The following TMEFF2 variants were observed in gnomAD, a reference collection of about 807,000 sequenced individuals.
The protein encoded by TMEFF2 is transmembrane protein with EGF like and two follistatin like domains 2, also known as tomoregulin-2.
TMEFF2 carries 28 observed loss-of-function variants against 53.8 expected under a neutral mutation model. The observed-to-expected ratio is 0.52, with a 90% confidence interval of 0.39 to 0.71. The LOEUF is 0.71. TMEFF2 is among the 30% of genes least tolerant of loss of function. The pLI, the probability that TMEFF2 is intolerant of heterozygous loss-of-function variation, is 0.00. For missense variants in TMEFF2, 353 were observed against 455.2 expected (o/e 0.78, Z 2.04); for synonymous variants, 162 against 166.3 (o/e 0.97, Z 0.20).
intron 2 of TMEFF2, 63 bp from the exon 3 acceptor site, chr2:192,184,546 G>A: frequency 6.3e-7 from 1 of 1,578,838 alleles, no homozygotes; most frequent in South Asian, 1.1e-5. Flanking sequence ...CTGACACGAT[G>A]AACAGAAATA....
rs539691130 is a variant in TMEFF2, at chr2:192,078,439, G to A, written c.440-20664C>T. Among the ~76,000 whole-genome samples the A allele has an allele frequency of 3.9e-5, 6 of 152,266 alleles. No individual in the cohort carries two copies. In the South Asian group the frequency reaches 1.2e-3, roughly 32 times the overall value. The stretch of plus-strand genomic sequence containing the variant: ...ACAAAAATATTTATATTCAAACCCA[G>A]TCTCTTGTGTTCCTTTTCCTCAGAA... On this transcript the variant is annotated intron_variant, in intron 4 of 9. Transcript: ENST00000272771.
intron 7 of TMEFF2, among the ~76,000 whole-genome samples, chr2:191,956,792 G>A (rs1036864530): frequency 5.9e-5 from 9 of 152,086 alleles, no homozygotes; most frequent in South Asian, 2.1e-4. Context: ...TTCGCAATAC[G>A]AAAGCTTAAA....
intron 1 of TMEFF2, among the ~76,000 whole-genome samples, chr2:192,193,135 G>A (rs1691503457): frequency 6.6e-6 from 1 of 152,106 alleles, no homozygotes; most frequent in African/African-American, 2.4e-5. Context: ...CCTCTCTAAA[G>A]TTACATACAC....
At chr2:192,046,974 G>T (rs1279982090) in intron 5 of TMEFF2, among the ~76,000 whole-genome samples, 4 of 151,356 alleles carry the variant, frequency 2.6e-5, no homozygotes, top group Non-Finnish European at 4.4e-5. Context: ...AGGCTGGAGT[G>T]CAGTGGCGTG....
intron 7 of TMEFF2, among the ~76,000 whole-genome samples, chr2:191,974,766 AAGT>A (rs1421758970): frequency 1.3e-5 from 2 of 152,116 alleles, no homozygotes; most frequent in Non-Finnish European, 2.9e-5. Flanking sequence ...GGGTCATTGT[AAGT>A]AGACCATTTA....
intron 4 of TMEFF2, among the ~76,000 whole-genome samples, chr2:192,079,625 A>G (rs1688508254): frequency 6.6e-6 from 1 of 152,228 alleles, no homozygotes; most frequent in Non-Finnish European, 1.5e-5. Flanking sequence ...AGACTCTAAT[A>G]TATGTACAAA....
intron 7 of TMEFF2, among the ~76,000 whole-genome samples, chr2:191,973,434 C>T (rs1490576365): frequency 6.6e-6 from 1 of 152,036 alleles, no homozygotes. Context: ...TATACACATA[C>T]ACGCACATGC....
intron 4 of TMEFF2, among the ~76,000 whole-genome samples, chr2:192,106,709 G>A (rs1482196907): frequency 6.6e-6 from 1 of 151,776 alleles, no homozygotes; most frequent in Non-Finnish European, 1.5e-5. Flanking sequence ...GTTTTGGTAA[G>A]TTCCAAGATG....
chr2:192,046,277 T>C (rs1038306728), intron 5 of TMEFF2, among the ~76,000 whole-genome samples: 4 of 152,080 alleles, frequency 2.6e-5, no homozygotes, highest in Non-Finnish European at 5.9e-5. Context: ...GACAGGAGAA[T>C]TGCTTGAACC....
chr2:192,049,039 A>G (rs927157022), intron 5 of TMEFF2, among the ~76,000 whole-genome samples: 22 of 152,180 alleles, frequency 1.4e-4, no homozygotes, highest in African/African-American at 5.3e-4. Flanking sequence ...CATCATACAC[A>G]ATGTAGGTGT....
chr2:192,157,865 C>T (rs563700723), intron 4 of TMEFF2, among the ~76,000 whole-genome samples: 91 of 152,188 alleles, frequency 6.0e-4, no homozygotes, highest in Non-Finnish European at 1.1e-3. Flanking sequence ...ATATTCTAGT[C>T]ATGCCAAACC....
chr2:192,008,683 TA>T (rs559207169), intron 5 of TMEFF2, among the ~76,000 whole-genome samples: 8 of 152,230 alleles, frequency 5.3e-5, no homozygotes, highest in African/African-American at 1.7e-4. Context: ...TAAAGTTACT[TA>T]AAAAAATCAC....
At chr2:191,956,183 T>A (rs1692086604) in intron 8 of TMEFF2, 72 bp downstream of exon 8, 1 of 1,473,504 alleles carries the variant, frequency 6.8e-7, no homozygotes, top group Non-Finnish European at 9.0e-7. Context: ...ACCAATTTTC[T>A]ATAAACATCT....
chr2:192,156,646 C>T (rs1690512818), intron 4 of TMEFF2, among the ~76,000 whole-genome samples: 1 of 151,968 alleles, frequency 6.6e-6, no homozygotes, highest in South Asian at 2.1e-4. Context: ...TTTACATATG[C>T]CAGAAATATG....
intron 7 of TMEFF2, among the ~76,000 whole-genome samples, chr2:191,984,377 G>T (rs1559072106): frequency 6.6e-6 from 1 of 151,990 alleles, no homozygotes; most frequent in Admixed American, 6.6e-5. Context: ...TAACTACATT[G>T]GTGACTTCCT....
chr2:192,082,355 C>T (rs1255396919), intron 4 of TMEFF2, among the ~76,000 whole-genome samples: 2 of 152,094 alleles, frequency 1.3e-5, no homozygotes, highest in South Asian at 4.1e-4. Flanking sequence ...CAGCACAGAG[C>T]GCCAAACAGC....
Position 191,949,219 on chromosome 2 carries a change from A to C in TMEFF2, c.*1092T>G. 1.0e-6 allele frequency: 1 copy of C among 985,386 alleles called. No homozygotes were observed. Among genetic ancestry groups the C allele is most frequent in the Non-Finnish European group, 1.2e-6 (1 of 829,888 alleles). 61.0% of individuals were successfully genotyped at this position (985,386 alleles called of 1,614,324 possible). Reference sequence around the variant, plus strand: ...ATTTGTATGCACAAATCAAACAAAAATCCATACCAACTTCCCAGTGAGGTC... The same window carrying C: ...ATTTGTATGCACAAATCAAACAAAACTCCATACCAACTTCCCAGTGAGGTC... On this transcript the variant is annotated 3_prime_UTR_variant, in exon 10 of 10. Coordinates refer to ENST00000272771, the MANE Select transcript of TMEFF2 (RefSeq NM_016192.4).
At chr2:191,983,879 T>C (rs1435807069) in intron 7 of TMEFF2, among the ~76,000 whole-genome samples, 2 of 152,340 alleles carry the variant, frequency 1.3e-5, no homozygotes, top group East Asian at 3.9e-4. Flanking sequence ...CGTTTCTAAA[T>C]GGTGAATCCA....
chr2:191,981,072 G>GT (rs920494240), intron 7 of TMEFF2, among the ~76,000 whole-genome samples: 2,275 of 148,362 alleles, frequency 0.015, 48 homozygotes, highest in African/African-American at 0.053. Flanking sequence ...CTGCTGCCAG[G>GT]TTTTTTTTTT....
Sources: allele counts gnomAD v4.1 joint callset (sites outside exome capture counted in the v4.1 genomes callset), GRCh38; gene constraint gnomAD v4.1.1; transcripts MANE v1.5; gene names NCBI Gene and HGNC (gene_info 2026-07-23, HGNC 2026-07-21).